Variants in DNAH11 observed in about 807,000 individuals in gnomAD.
DNAH11 encodes the protein dynein axonemal heavy chain 11, also known as axonemal beta dynein heavy chain 11.
Under a neutral mutation model 526.0 loss-of-function variants are expected in DNAH11, and 442 were observed. That is an observed-to-expected ratio of 0.84 (90% CI 0.78 to 0.91). The LOEUF is 0.91. Ranked by LOEUF, DNAH11 falls within the 40% of genes least tolerant of loss-of-function variation. The pLI, the probability that DNAH11 is intolerant of heterozygous loss-of-function variation, is 0.00. For synonymous variants in DNAH11, 2,461 were observed against 1,935.9 expected (o/e 1.27, Z -7.12); for missense variants, 6,989 against 5,448.7 (o/e 1.28, Z -8.90).
chr7:21,866,406 T>G, intron 70 of DNAH11, 64 bp from the exon 71 acceptor site: 1 of 1,466,346 alleles, frequency 6.8e-7, no homozygotes. Context: ...CATTCACAAG[T>G]CTTCTTCTCA....
chr7:21,752,402 G>C (rs965140185), intron 54 of DNAH11, among the ~76,000 whole-genome samples: 1 of 152,192 alleles, frequency 6.6e-6, no homozygotes, highest in African/African-American at 2.4e-5. Context: ...AGGTGATGCT[G>C]AGCAACAACT....
chr7:21,818,771 C>T (rs1399092876), intron 65 of DNAH11, among the ~76,000 whole-genome samples: 3 of 152,094 alleles, frequency 2.0e-5, no homozygotes, highest in Non-Finnish European at 4.4e-5. Context: ...TGTGCTAGCT[C>T]TGTTTTTTCT....
intron 63 of DNAH11, among the ~76,000 whole-genome samples, chr7:21,815,190 T>C (rs1789727195): frequency 6.6e-6 from 1 of 151,952 alleles, no homozygotes; most frequent in Admixed American, 6.6e-5. Context: ...GTTAGTCCTT[T>C]TAGCTTCAGA....
At position 21,639,000 on chromosome 7, in the gene DNAH11, C is replaced by T. The variant is rs727502967; in HGVS notation, c.4879C>T (p.Arg1627Cys). The T allele has an allele frequency of 1.5e-5, 25 of 1,613,592 alleles. No individual in the cohort carries two copies. Among genetic ancestry groups the T allele is most frequent in the Admixed American group, 3.3e-5 (2 of 59,986 alleles). The part of the protein sequence containing the change: ...YLETKRIAFP[R>C]FYFVSSADLL... ...GGAAACCAAGCGCATAGCCTTTCCT[C>T]GCTTCTATTTCGTCTCTTCTGCTGA... The change falls in exon 28 of 82, where the codon CGC becomes TGC. Residue 1627 changes from arginine (R) to cysteine (C), a missense_variant. Transcript: ENST00000409508.
At chr7:21,613,952 C>G (rs1260662724) in intron 20 of DNAH11, among the ~76,000 whole-genome samples, 1 of 114,178 alleles carries the variant, frequency 8.8e-6, no homozygotes, top group East Asian at 2.9e-4. Flanking sequence ...TTTTTTTGCA[C>G]TTTTAATAGA....
chr7:21,718,684 G>A (rs2906664), intron 43 of DNAH11, among the ~76,000 whole-genome samples: 1 of 151,916 alleles, frequency 6.6e-6, no homozygotes, highest in Non-Finnish European at 1.5e-5. Context: ...CCAGCCCTTA[G>A]AAGTAGAAGA....
chr7:21,840,930 C>A (rs1782180375), intron 65 of DNAH11, among the ~76,000 whole-genome samples: 1 of 152,114 alleles, frequency 6.6e-6, no homozygotes, highest in South Asian at 2.1e-4. Flanking sequence ...ACCTGTAATC[C>A]TAGCACTTTG....
chr7:21,758,137 C>T (rs1245379513), intron 54 of DNAH11, among the ~76,000 whole-genome samples: 1 of 152,202 alleles, frequency 6.6e-6, no homozygotes, highest in African/African-American at 2.4e-5. Context: ...GCACTGGTTC[C>T]AGAGCTCTGT....
At chr7:21,674,553 G>A (rs1782787774) in intron 30 of DNAH11, among the ~76,000 whole-genome samples, 1 of 152,154 alleles carries the variant, frequency 6.6e-6, no homozygotes, top group Admixed American at 6.5e-5. Flanking sequence ...AGTAGATACA[G>A]GGTTTCGCCA....
chr7:21,665,601 A>G (rs1583575598), intron 30 of DNAH11, among the ~76,000 whole-genome samples: 1 of 152,118 alleles, frequency 6.6e-6, no homozygotes, highest in East Asian at 1.9e-4. Context: ...GGCTGGTTCA[A>G]CTAATTAATG....
chr7:21,827,516 A>G (rs1295555173), intron 65 of DNAH11, among the ~76,000 whole-genome samples: 2 of 151,814 alleles, frequency 1.3e-5, no homozygotes, highest in Non-Finnish European at 2.9e-5. Flanking sequence ...GTATATACAT[A>G]TATTATTAAA....
In DNAH11 at chr7:21,637,701, A is replaced by T; in HGVS notation, c.4816A>T (p.Arg1606Trp). 6.5e-6 allele frequency: 10 copies of T among 1,538,874 alleles called. No homozygotes were observed. Among genetic ancestry groups the T allele is most frequent in the Non-Finnish European group, 8.8e-6 (10 of 1,137,250 alleles). Residue 1606 changes from arginine to tryptophan, a missense_variant and splice_region_variant, in exon 27 of 82, where the codon AGG (arginine) becomes TGG (tryptophan). Transcript: ENST00000409508. Reference sequence around the variant, plus strand: ...TGAAAAACTTAAAGATTTACAGTCCAGGTAAGAATAAAGCTATATAAGATA... The same window carrying T: ...TGAAAAACTTAAAGATTTACAGTCCTGGTAAGAATAAAGCTATATAAGATA... ...LYEKLKDLQS[R>W]LSLCEKALAE...
At position 21,724,940 on chromosome 7, in the gene DNAH11, T is replaced by C. The variant is rs1240126303; in HGVS notation, c.7267-871T>C. ...ACTGGGCCAGATCATCCTGTGGACATGGGCATCACTGGGACAGGTCATCCT... is the reference window on the plus strand; with the variant it reads ...ACTGGGCCAGATCATCCTGTGGACACGGGCATCACTGGGACAGGTCATCCT... On this transcript the variant is annotated intron_variant, in intron 44 of 81. Coordinates refer to ENST00000409508, the MANE Select transcript of DNAH11 (RefSeq NM_001277115.2). Among the ~76,000 whole-genome samples the C allele has an allele frequency of 2.0e-5, 3 of 152,254 alleles. No individual in the cohort carries two copies. The East Asian group carries it at 5.8e-4, about 29-fold the overall frequency.
At chr7:21,713,731 CT>C (rs1341751737) in intron 42 of DNAH11, among the ~76,000 whole-genome samples, 1 of 152,168 alleles carries the variant, frequency 6.6e-6, no homozygotes, top group Non-Finnish European at 1.5e-5. Flanking sequence ...CCTGTGTGTA[CT>C]GACATGCTCG....
chr7:21,721,457 A>C (rs1040642632), intron 44 of DNAH11, among the ~76,000 whole-genome samples: 4 of 152,192 alleles, frequency 2.6e-5, no homozygotes, highest in Non-Finnish European at 4.4e-5. Context: ...AAAATACCAC[A>C]AATTGGGTGA....
At chr7:21,851,418 C>A in intron 66 of DNAH11, 5 of 358,546 alleles carry the variant, frequency 1.4e-5, no homozygotes, top group South Asian at 1.2e-4. Flanking sequence ...CTTTATCGCA[C>A]CTTGAGAGCA....
intron 63 of DNAH11, among the ~76,000 whole-genome samples, chr7:21,811,667 A>G (rs1298847917): frequency 6.6e-6 from 1 of 152,150 alleles, no homozygotes; most frequent in African/African-American, 2.4e-5. Flanking sequence ...CAACAATGTG[A>G]ATGTACTTAA....
rs549689280 is a variant in DNAH11 at position 21,804,316 on chromosome 7, A to G, written c.10165+3041A>G. ...ATTAGAGACGGGGTTTCACCGTGTTAGCCAGGATGGTCTCGATCTCTTGAC... is the reference window on the plus strand; with the variant it reads ...ATTAGAGACGGGGTTTCACCGTGTTGGCCAGGATGGTCTCGATCTCTTGAC... On this transcript the variant is annotated intron_variant, in intron 62 of 81. Coordinates refer to ENST00000409508, the MANE Select transcript of DNAH11 (RefSeq NM_001277115.2). Among the ~76,000 whole-genome samples, 4 of 152,112 alleles carry G rather than the reference A, an allele frequency of 2.6e-5. No individual in the cohort carries two copies. The South Asian group carries it at 8.3e-4, about 32-fold the overall frequency.
chr7:21,615,098 T>C lies in DNAH11; in HGVS notation c.3853-16T>C, dbSNP rs377295132. 460 of 1,595,320 alleles carry C rather than the reference T, an allele frequency of 2.9e-4. No individual in the cohort carries two copies. In the African/African-American group the frequency reaches 5.3e-3, roughly 18 times the overall value. On this transcript the variant is annotated splice_polypyrimidine_tract_variant and intron_variant, in intron 20 of 81. Coordinates refer to ENST00000409508, the MANE Select transcript of DNAH11 (RefSeq NM_001277115.2). The stretch of plus-strand genomic sequence containing the variant: ...CTCTGGCAGTTTGTATGCAGGTGTT[T>C]ATGTTCTCTCCTTAGGCAAATGAAG...
Sources: allele counts gnomAD v4.1 joint callset (sites outside exome capture counted in the v4.1 genomes callset), GRCh38; gene constraint gnomAD v4.1.1; transcripts MANE v1.5; gene names NCBI Gene and HGNC (gene_info 2026-07-23, HGNC 2026-07-21).